DNAJB9: variants seen among roughly 807,000 people sequenced by gnomAD.
The protein encoded by DNAJB9 is DnaJ heat shock protein family (Hsp40) member B9.
Under a neutral mutation model 19.2 loss-of-function variants are expected in DNAJB9, and 12 were observed. The observed-to-expected ratio is 0.62, with a 90% CI of 0.40 to 1.01. The LOEUF (loss-of-function observed/expected upper bound fraction) is 1.01, where lower values mean the gene tolerates loss of function less well. DNAJB9 is among the 50% of genes least tolerant of loss of function. The pLI is 0.00. For missense variants in DNAJB9, 272 were observed against 261.1 expected (o/e 1.04, Z -0.29); for synonymous variants, 83 against 84.0 (o/e 0.99, Z 0.07).
intron 1 of DNAJB9, 107 bp from the exon 2 acceptor site, chr7:108,571,610 A>T: frequency 1.2e-6 from 1 of 832,014 alleles, no homozygotes; most frequent in Non-Finnish European, 1.9e-6. Flanking sequence ...CTGTATGCTT[A>T]CTATTTTGAT....
chr7:108,571,331 T>C (rs751888629), intron 1 of DNAJB9, among the ~76,000 whole-genome samples: 7 of 152,120 alleles, frequency 4.6e-5, no homozygotes, highest in Non-Finnish European at 7.4e-5. Context: ...TTAAATACAT[T>C]ATTACTTTCA....
At position 108,573,173 on chromosome 7, in the gene DNAJB9, A is replaced by G; in HGVS notation, c.492A>G (p.Gly164=). 6.2e-7 allele frequency: 1 copy of G among 1,614,032 alleles called. No homozygotes were observed. The highest frequency in any genetic ancestry group is 8.5e-7 in the Non-Finnish European group (1 of 1,179,922). The part of the protein sequence containing the change: ...HHFQEFSFGG[G]LFDDMFEDME... ...TCCAAGAATTTTCTTTTGGAGGTGG[A>G]TTATTTGATGACATGTTTGAAGATA... The change falls in exon 3 of 3, where the codon GGA becomes GGG. Residue 164 remains glycine (G), a synonymous_variant. Coordinates refer to ENST00000249356, the MANE Select transcript of DNAJB9 (RefSeq NM_012328.3).
chr7:108,572,632 G>C (rs1420059876), intron 2 of DNAJB9, among the ~76,000 whole-genome samples: 2 of 152,146 alleles, frequency 1.3e-5, no homozygotes, highest in Non-Finnish European at 2.9e-5. Flanking sequence ...TTTATTTGTA[G>C]TAATGGTAAC....
In DNAJB9 at chr7:108,573,439, C is replaced by A; in HGVS notation, c.*86C>A. 9.7e-7 allele frequency: 1 copy of A among 1,029,904 alleles called. No individual in the cohort carries two copies. The highest frequency in any genetic ancestry group is 1.3e-6 in the Non-Finnish European group (1 of 745,712). The allele number at this position is 1,029,904 out of a possible 1,614,324, so 63.8% of individuals were successfully genotyped here. A position where few individuals can be genotyped will look rare whatever the true frequency, so the allele number is the denominator to read the frequency against. On this transcript the variant is annotated 3_prime_UTR_variant, in exon 3 of 3. Transcript: ENST00000249356. Reference sequence around the variant, plus strand: ...AACAATTTTCTGTGAACTATTTTGACAAGTGCATGATTTCACTTTAAACAA... The same window carrying A: ...AACAATTTTCTGTGAACTATTTTGAAAAGTGCATGATTTCACTTTAAACAA...
rs1418030987 is a variant in DNAJB9 at position 108,574,356 on chromosome 7, C to T, written c.*1003C>T. On this transcript the variant is annotated 3_prime_UTR_variant, in exon 3 of 3. Transcript: ENST00000249356. ...TATGGATACATATTAAAACAAGTGT[C>T]TCATACAACATTGTATGTGAGAGAA... 1 of 152,710 alleles carries T rather than the reference C, an allele frequency of 6.5e-6. No homozygotes were observed. The highest frequency in any genetic ancestry group is 1.9e-4 in the East Asian group (1 of 5,182). The allele number at this position is 152,710 out of a possible 1,614,324, so 9.5% of individuals were successfully genotyped here.
At chr7:108,570,323 C>G (rs1392162527) in intron 1 of DNAJB9, among the ~76,000 whole-genome samples, 2 of 152,058 alleles carry the variant, frequency 1.3e-5, no homozygotes, top group East Asian at 1.9e-4. Context: ...GGATTAGAGC[C>G]CGGGTCTCGG....
At position 108,571,837 on chromosome 7, in the gene DNAJB9, A is replaced by C. The variant is rs763705903; in HGVS notation, c.111A>C (p.Ala37=). The C allele has an allele frequency of 1.1e-5, 17 of 1,614,096 alleles. No homozygotes were observed. Among genetic ancestry groups the C allele is most frequent in the Non-Finnish European group, 1.4e-5 (17 of 1,180,042 alleles). The change falls in exon 2 of 3, where the codon GCA becomes GCC. Residue 37 remains alanine, a synonymous_variant. Coordinates refer to ENST00000249356, the MANE Select transcript of DNAJB9 (RefSeq NM_012328.3). ...YYDILGVPKS[A]SERQIKKAFH... ...ATATCTTAGGTGTGCCAAAATCGGCATCAGAGCGCCAAATCAAGAAGGCCT... is the reference window on the plus strand; with the variant it reads ...ATATCTTAGGTGTGCCAAAATCGGCCTCAGAGCGCCAAATCAAGAAGGCCT...
Position 108,573,229 on chromosome 7 carries a change from ACT to A in DNAJB9, c.551_552del (p.Ser184TyrfsTer9). On this transcript the variant is annotated frameshift_variant, in exon 3 of 3. Coordinates refer to ENST00000249356, the MANE Select transcript of DNAJB9 (RefSeq NM_012328.3). LOFTEE classifies it high-confidence loss of function. ...AAAATGTTTTCTTTTAGTGGTTTTG[ACT>A]CTACCAATCAGCATACAGTACAGAC... 6.2e-7 allele frequency: 1 copy of A among 1,613,902 alleles called. No homozygotes were observed.
intron 1 of DNAJB9, among the ~76,000 whole-genome samples, chr7:108,571,440 G>T (rs1790619300): frequency 1.3e-5 from 2 of 151,556 alleles, no homozygotes; most frequent in Non-Finnish European, 2.9e-5. Flanking sequence ...AATATAAACT[G>T]GTTAAAAGTC....
At position 108,574,482 on chromosome 7, in the gene DNAJB9, C is replaced by T. The variant is rs1186061100; in HGVS notation, c.*1129C>T. On this transcript the variant is annotated 3_prime_UTR_variant, in exon 3 of 3. Transcript: ENST00000249356. ...GGGCATATAAGCTATGGGACATATG[C>T]TGATCACAGGCTATATTCATGAAGT... 6.6e-6 allele frequency: 1 copy of T among 152,168 alleles called. No homozygotes were observed. The highest frequency in any genetic ancestry group is 2.4e-5 in the African/African-American group (1 of 41,440). The allele number at this position is 152,168 out of a possible 1,614,324, so 9.4% of individuals were successfully genotyped here.
At position 108,572,759 on chromosome 7, in the gene DNAJB9, TGTA is replaced by T. The variant is rs1790639700; in HGVS notation, c.218-137_218-135del. The T allele has an allele frequency of 5.7e-5, 37 of 650,986 alleles. 1 individual carries two copies. In the South Asian group the frequency reaches 7.7e-4, roughly 13 times the overall value. The allele number at this position is 650,986 out of a possible 1,614,324, so 40.3% of individuals were successfully genotyped here. A position where few individuals can be genotyped will look rare whatever the true frequency, so the allele number is the denominator to read the frequency against. ...TTTTGATTAACTTGATGCTTATATT[TGTA>T]GTGTTTTGCTTTTATTTCTGATGCG... On this transcript the variant is annotated intron_variant, in intron 2 of 2. Transcript: ENST00000249356.
Position 108,569,956 on chromosome 7 carries a change from C to A in DNAJB9, c.-158C>A, listed in dbSNP as rs1790586024. 1 of 335,180 alleles carries A rather than the reference C, an allele frequency of 3.0e-6. No homozygotes were observed. The allele number at this position is 335,180 out of a possible 1,614,324, so 20.8% of individuals were successfully genotyped here. On this transcript the variant is annotated 5_prime_UTR_variant, in exon 1 of 3. Transcript: ENST00000249356. ...GGGCGCCGGCGGGGAAGGAGGAGCGCTAGGTCGGTGTACGACCGAGATTAG... is the reference window on the plus strand; with the variant it reads ...GGGCGCCGGCGGGGAAGGAGGAGCGATAGGTCGGTGTACGACCGAGATTAG...
At position 108,574,444 on chromosome 7, in the gene DNAJB9, CTG is replaced by C. The variant is rs1377381430; in HGVS notation, c.*1092_*1093del. 2.0e-5 allele frequency: 3 copies of C among 152,166 alleles called. No homozygotes were observed. The highest frequency in any genetic ancestry group is 7.2e-5 in the African/African-American group (3 of 41,408). The allele number at this position is 152,166 out of a possible 1,614,324, so 9.4% of individuals were successfully genotyped here. On this transcript the variant is annotated 3_prime_UTR_variant, in exon 3 of 3. Coordinates refer to ENST00000249356, the MANE Select transcript of DNAJB9 (RefSeq NM_012328.3). ...ATTGTTAAAAGTTTATTATGCAACT[CTG>C]GAGGTATAGAGGGCATATAAGCTAT... is the stretch of plus-strand genomic sequence containing the variant.
intron 2 of DNAJB9, 138 bp downstream of exon 2, chr7:108,572,081 T>C: frequency 1.4e-6 from 1 of 710,738 alleles, no homozygotes; most frequent in Non-Finnish European, 2.3e-6. Flanking sequence ...GGTGATTCTC[T>C]GAGATTATTT....
Position 108,571,910 on chromosome 7 carries a change from G to A in DNAJB9, c.184G>A (p.Asp62Asn), listed in dbSNP as rs765349789. Residue 62 changes from aspartate (D) to asparagine (N), a missense_variant, in exon 2 of 3, where the codon GAT becomes AAT. Physicochemically the swap from Asp to Asn is conservative, Grantham distance 23. Coordinates refer to ENST00000249356, the MANE Select transcript of DNAJB9 (RefSeq NM_012328.3). ...KYHPDKNKSP[D>N]AEAKFREIAE... ...CCACCCTGACAAAAATAAGAGCCCG[G>A]ATGCTGAAGCAAAATTCAGAGAGAT... 30 of 1,613,998 alleles carry A rather than the reference G, an allele frequency of 1.9e-5. No homozygotes were observed. Among genetic ancestry groups the A allele is most frequent in the Non-Finnish European group, 1.8e-5 (21 of 1,180,018 alleles).
intron 2 of DNAJB9, 123 bp downstream of exon 2, chr7:108,572,066 T>C (rs2154518267): frequency 2.5e-6 from 2 of 808,832 alleles, no homozygotes; most frequent in African/African-American, 3.5e-5. Flanking sequence ...TATGTATAAA[T>C]ATTGGGTGAT....
In DNAJB9 at chr7:108,572,913, T is replaced by C. The variant is rs1451035034; in HGVS notation, c.232T>C (p.Ser78Pro). The C allele has an allele frequency of 6.2e-7, 1 of 1,603,286 alleles. No individual in the cohort carries two copies. Among genetic ancestry groups the C allele is most frequent in the South Asian group, 1.1e-5 (1 of 89,318 alleles). The change falls in exon 3 of 3, where the codon TCA (serine) becomes CCA (proline). Residue 78 changes from serine to proline, a missense_variant. Physicochemically the swap from Ser to Pro is moderately conservative, Grantham distance 74. Coordinates refer to ENST00000249356, the MANE Select transcript of DNAJB9 (RefSeq NM_012328.3). Reference sequence around the variant, plus strand: ...GTCACTTTCAGCATATGAAACACTCTCAGATGCTAATAGACGAAAAGAGTA... The same window carrying C: ...GTCACTTTCAGCATATGAAACACTCCCAGATGCTAATAGACGAAAAGAGTA... ...REIAEAYETL[S>P]DANRRKEYDT...
rs1790673670 is a variant in DNAJB9 at position 108,574,563 on chromosome 7, A to G, written c.*1210A>G. 6.6e-6 allele frequency: 1 copy of G among 152,176 alleles called. No homozygotes were observed. The highest frequency in any genetic ancestry group is 1.5e-5 in the Non-Finnish European group (1 of 68,020). The allele number at this position is 152,176 out of a possible 1,614,324, so 9.4% of individuals were successfully genotyped here. ...TTTTGTTTGTCATTTGGTAATTTCTACTGCATTCTTACCATCCTTCTCTCA... is the reference window on the plus strand; with the variant it reads ...TTTTGTTTGTCATTTGGTAATTTCTGCTGCATTCTTACCATCCTTCTCTCA... On this transcript the variant is annotated 3_prime_UTR_variant, in exon 3 of 3. Transcript: ENST00000249356.
In DNAJB9 at chr7:108,574,538, TTTTG is replaced by T. The variant is rs1319607990; in HGVS notation, c.*1191_*1194del. ...TTGACCAACCTGAAAACTGATAGGATTTTGTTTGTCATTTGGTAATTTCTACTGC... is the reference window on the plus strand; with the variant it reads ...TTGACCAACCTGAAAACTGATAGGATTTTGTCATTTGGTAATTTCTACTGC... On this transcript the variant is annotated 3_prime_UTR_variant, in exon 3 of 3. Coordinates refer to ENST00000249356, the MANE Select transcript of DNAJB9 (RefSeq NM_012328.3). 6.6e-6 allele frequency: 1 copy of T among 152,200 alleles called. No individual in the cohort carries two copies. 9.4% of individuals were successfully genotyped at this position (152,200 alleles called of 1,614,324 possible). A position where few individuals can be genotyped will look rare whatever the true frequency, so the allele number is the denominator to read the frequency against.
Sources: gnomAD v4.1 joint callset for allele counts (sites outside exome capture counted in the v4.1 genomes callset) on GRCh38, gnomAD v4.1.1 for gene constraint, MANE v1.5 for transcripts, NCBI Gene and HGNC (gene_info 2026-07-23, HGNC 2026-07-21) for gene names.